POLR3H: variants seen among roughly 807,000 people sequenced by gnomAD.
POLR3H encodes RNA polymerase III subunit H, also known as DNA-directed RNA polymerase III subunit RPC8.
A neutral mutation model predicts 25.5 loss-of-function variants in POLR3H; 17 were observed. The observed-to-expected ratio is 0.67, with a 90% CI of 0.46 to 1.00. POLR3H has a LOEUF of 1.00. Ranked by LOEUF, POLR3H falls within the 50% of genes least tolerant of loss-of-function variation. The pLI is 0.00. For missense variants in POLR3H, 274 were observed against 265.0 expected (o/e 1.03, Z -0.24); for synonymous variants, 129 against 103.0 (o/e 1.25, Z -1.53).
chr22:41,529,408 G>A, intron 5 of POLR3H, 72 bp from the exon 6 acceptor site: 1 of 1,383,454 alleles, frequency 7.2e-7, no homozygotes, highest in Non-Finnish European at 1.0e-6. Context: ...GAGGTGAAGG[G>A]AGCCCAGCAG....
At chr22:41,540,151 C>T in intron 2 of POLR3H, 1 of 229,294 alleles carries the variant, frequency 4.4e-6, no homozygotes. Flanking sequence ...CTCTTACCTA[C>T]TGTGTCCTAC....
intron 2 of POLR3H, among the ~76,000 whole-genome samples, chr22:41,534,131 C>T (rs566119740): frequency 2.1e-4 from 32 of 150,796 alleles, no homozygotes; most frequent in Non-Finnish European, 4.3e-4. Context: ...AGCAAGACTC[C>T]GTCTCAAAAA....
intron 1 of POLR3H, among the ~76,000 whole-genome samples, chr22:41,542,658 C>G (rs1048588791): frequency 3.9e-5 from 6 of 152,176 alleles, no homozygotes; most frequent in African/African-American, 1.4e-4. Context: ...TCATTCATAT[C>G]TGCTTTCCCA....
chr22:41,531,208 C>G lies in POLR3H; in HGVS notation c.360-320G>C, dbSNP rs189037241. 5.1e-4 allele frequency among the ~76,000 whole-genome samples: 77 copies of G among 152,342 alleles called. 1 individual carries two copies. The highest frequency in any genetic ancestry group is 6.8e-3 in the Middle Eastern group (2 of 294). The stretch of plus-strand genomic sequence containing the variant: ...TCCCACCTCTCAAGACAAGAGCAAC[C>G]TGGGCCTCCTGCCACGGAGCCCCAC... On this transcript the variant is annotated intron_variant, in intron 4 of 5. Transcript: ENST00000355209.
chr22:41,543,739 G>A (rs955527312), intron 1 of POLR3H: 4 of 653,190 alleles, frequency 6.1e-6, no homozygotes, highest in Admixed American at 4.2e-5. Flanking sequence ...CCCAGAAGGG[G>A]TCAGTAACTT....
intron 2 of POLR3H, among the ~76,000 whole-genome samples, chr22:41,537,349 C>G (rs112442088): frequency 6.6e-6 from 1 of 152,270 alleles, no homozygotes; most frequent in African/African-American, 2.4e-5. Flanking sequence ...CTCCCAAGGC[C>G]CAGGCAAATA....
chr22:41,530,566 C>T (rs1601945729), intron 5 of POLR3H, 121 bp downstream of exon 5: 1 of 943,982 alleles, frequency 1.1e-6, no homozygotes, highest in Admixed American at 2.6e-5. Context: ...CAAGACCCCC[C>T]AAACAGGATC....
At chr22:41,533,968 G>A (rs184996047) in intron 2 of POLR3H, among the ~76,000 whole-genome samples, 4 of 152,208 alleles carry the variant, frequency 2.6e-5, no homozygotes, top group Non-Finnish European at 5.9e-5. Context: ...ATAAAACACC[G>A]TCTCTACCAA....
rs200454684 is a variant in POLR3H at position 41,530,467 on chromosome 22, C to T, written c.561+220G>A. Among the ~76,000 whole-genome samples, 16 of 152,342 alleles carry T rather than the reference C, an allele frequency of 1.1e-4. No homozygotes were observed. In the East Asian group the frequency reaches 3.1e-3, roughly 29 times the overall value. On this transcript the variant is annotated intron_variant, in intron 5 of 5. Coordinates refer to ENST00000355209, the MANE Select transcript of POLR3H (RefSeq NM_001018050.4). ...GAGCTCTGTCCCCTTTGCAAGCTGA[C>T]TCGCCCACCCCACCAGCAGCCATGT...
intron 2 of POLR3H, 129 bp downstream of exon 2, chr22:41,540,568 CTG>C (rs780959181): frequency 1.3e-6 from 1 of 754,524 alleles, no homozygotes; most frequent in East Asian, 2.6e-5. Flanking sequence ...GCCTTGAACT[CTG>C]TGGCTCAAGA....
intron 5 of POLR3H, chr22:41,529,735 C>A: frequency 2.0e-6 from 1 of 491,514 alleles, no homozygotes. Context: ...AATGCTGCTC[C>A]TACAGGGAGC....
In POLR3H at chr22:41,528,548, G is replaced by A. The variant is rs115203053; in HGVS notation, c.*735C>T. On this transcript the variant is annotated 3_prime_UTR_variant, in exon 6 of 6. Transcript: ENST00000355209. Reference sequence around the variant, plus strand: ...CATCCTCCTGAACCACACCTTCAACGAGACGCAGATTGAGTGGTTCCGCGC... The same window carrying A: ...CATCCTCCTGAACCACACCTTCAACAAGACGCAGATTGAGTGGTTCCGCGC... 2.0e-4 allele frequency: 324 copies of A among 1,613,182 alleles called. No individual in the cohort carries two copies. The African/African-American group carries it at 3.1e-3, about 15-fold the overall frequency.
At chr22:41,535,736 G>T (rs968667515) in intron 2 of POLR3H, among the ~76,000 whole-genome samples, 1 of 152,154 alleles carries the variant, frequency 6.6e-6, no homozygotes, top group African/African-American at 2.4e-5. Flanking sequence ...CACTTTGGGA[G>T]GCCAAGGCAG....
At chr22:41,529,465 C>A in intron 5 of POLR3H, 129 bp from the exon 6 acceptor site, 1 of 780,442 alleles carries the variant, frequency 1.3e-6, no homozygotes, top group Non-Finnish European at 2.1e-6. Context: ...AGCCAAGAGG[C>A]TCTGGAGAGA....
Position 41,530,541 on chromosome 22 carries a change from G to T in POLR3H, c.561+146C>A. On this transcript the variant is annotated intron_variant, in intron 5 of 5. Transcript: ENST00000355209. ...GCCTACAGAAACTCAGGCTCTCCAG[G>T]GAGAAGTGACCAGCCAAGACCCCCC... The T allele has an allele frequency of 5.6e-6, 4 of 716,666 alleles. No individual in the cohort carries two copies. The South Asian group carries it at 7.6e-5, about 14-fold the overall frequency. 44.4% of individuals were successfully genotyped at this position (716,666 alleles called of 1,614,324 possible).
intron 2 of POLR3H, among the ~76,000 whole-genome samples, chr22:41,536,592 G>A (rs1311652177): frequency 2.7e-5 from 4 of 150,794 alleles, no homozygotes; most frequent in Admixed American, 6.6e-5. Context: ...AAGGCCAGGC[G>A]CAGTGGCTCA....
chr22:41,526,332 A>G lies in POLR3H; in HGVS notation c.*2951T>C. On this transcript the variant is annotated 3_prime_UTR_variant, in exon 6 of 6. Coordinates refer to ENST00000355209, the MANE Select transcript of POLR3H (RefSeq NM_001018050.4). ...TGGCTCAAGTTCCGTGGGCACTTGG[A>G]TAACATCTCCAACAACCTGCTCATT... 1.2e-6 allele frequency: 2 copies of G among 1,613,160 alleles called. No homozygotes were observed. The highest frequency in any genetic ancestry group is 8.5e-7 in the Non-Finnish European group (1 of 1,180,018).
intron 5 of POLR3H, 110 bp from the exon 6 acceptor site, chr22:41,529,446 G>GCACA (rs2066676392): frequency 3.3e-6 from 3 of 897,474 alleles, no homozygotes; most frequent in Non-Finnish European, 5.3e-6. Flanking sequence ...AAGAGGCGGG[G>GCACA]CACACGGCAG....
intron 3 of POLR3H, 179 bp downstream of exon 3, chr22:41,532,480 G>T (rs572704178): frequency 1.8e-6 from 2 of 1,129,046 alleles, no homozygotes; most frequent in Non-Finnish European, 2.5e-6. Context: ...CAGTGAAACC[G>T]CACTGCTGAT....
Sources: allele counts gnomAD v4.1 joint callset (sites outside exome capture counted in the v4.1 genomes callset), GRCh38; gene constraint gnomAD v4.1.1; transcripts MANE v1.5; gene names NCBI Gene and HGNC (gene_info 2026-07-23, HGNC 2026-07-21).